The following AP1AR variants were observed in gnomAD, a reference collection of about 807,000 sequenced individuals.
The protein encoded by AP1AR is adaptor related protein complex 1 associated regulatory protein.
Under a neutral mutation model 46.3 loss-of-function variants are expected in AP1AR, and 29 were observed. That is an observed-to-expected ratio of 0.63 (90% CI 0.47 to 0.85). AP1AR has a LOEUF of 0.85. AP1AR is among the 40% of genes least tolerant of loss of function. The probability of loss-of-function intolerance (pLI) is 0.00; values close to 1 mark genes in which losing one functional copy is unlikely to be tolerated. For synonymous variants in AP1AR, 122 were observed against 122.9 expected (o/e 0.99, Z 0.05); for missense variants, 357 against 356.3 (o/e 1.00, Z -0.02).
rs1343122206 is a variant in AP1AR, at chr4:112,271,712, A to AAAG, written c.*3304_*3306dup. On this transcript the variant is annotated 3_prime_UTR_variant, in exon 10 of 10. Transcript: ENST00000274000. ...GGGAAAATGAAAGAGTTCTATTTGA[A>AAAG]AAGTTAACTTTGAGGTGTTCATAAG... Among the ~76,000 whole-genome samples the AAAG allele has an allele frequency of 2.0e-5, 3 of 152,192 alleles. No homozygotes were observed. Among genetic ancestry groups the AAAG allele is most frequent in the African/African-American group, 7.2e-5 (3 of 41,442 alleles).
At chr4:112,245,911 T>C (rs1177498597) in intron 1 of AP1AR, among the ~76,000 whole-genome samples, 1 of 152,170 alleles carries the variant, frequency 6.6e-6, no homozygotes, top group Non-Finnish European at 1.5e-5. Context: ...GCTTTTGTAA[T>C]AGATATTGCT....
chr4:112,250,286 G>A (rs1323594767), intron 1 of AP1AR, among the ~76,000 whole-genome samples: 1 of 152,092 alleles, frequency 6.6e-6, no homozygotes, highest in Non-Finnish European at 1.5e-5. Context: ...AATTTGCTAG[G>A]CTTTTAAGCA....
intron 2 of AP1AR, 110 bp downstream of exon 2, chr4:112,253,366 T>C: frequency 1.3e-6 from 1 of 750,334 alleles, no homozygotes; most frequent in Non-Finnish European, 2.3e-6. Context: ...GGACTGTTTA[T>C]ATTTCAATAT....
chr4:112,251,477 G>A (rs1027366702), intron 1 of AP1AR, among the ~76,000 whole-genome samples: 1 of 152,188 alleles, frequency 6.6e-6, no homozygotes, highest in African/African-American at 2.4e-5. Flanking sequence ...CTTTGCCACA[G>A]CAGTGAAGTC....
chr4:112,235,212 T>C (rs577751961), intron 1 of AP1AR, among the ~76,000 whole-genome samples: 1 of 152,362 alleles, frequency 6.6e-6, no homozygotes, highest in South Asian at 2.1e-4. Flanking sequence ...CTCCATCTGC[T>C]GGTCAGTTCT....
In AP1AR at chr4:112,262,026, C is replaced by T. The variant is rs373267981; in HGVS notation, c.283-962C>T. On this transcript the variant is annotated intron_variant, in intron 5 of 9. Coordinates refer to ENST00000274000, the MANE Select transcript of AP1AR (RefSeq NM_018569.6). ...CATACATACATATACATATATTTGT[C>T]TGTTTAATGTGGGTATGGTGGCTAA... is the stretch of plus-strand genomic sequence containing the variant. Among the ~76,000 whole-genome samples, 10 of 151,610 alleles carry T rather than the reference C, an allele frequency of 6.6e-5. No homozygotes were observed. In the South Asian group the frequency reaches 1.0e-3, roughly 16 times the overall value.
At position 112,268,665 on chromosome 4, in the gene AP1AR, C is replaced by G. The variant is rs1726816326; in HGVS notation, c.*256C>G. 3 of 313,866 alleles carry G rather than the reference C, an allele frequency of 9.6e-6. No homozygotes were observed. The East Asian group carries it at 1.5e-4, about 16-fold the overall frequency. The allele number at this position is 313,866 out of a possible 1,614,324, so 19.4% of individuals were successfully genotyped here. ...ATGTTACTGATTAAATTTACTTTGTCTTGTCTTTATAGCATTTCTGTTTAC... is the reference window on the plus strand; with the variant it reads ...ATGTTACTGATTAAATTTACTTTGTGTTGTCTTTATAGCATTTCTGTTTAC... On this transcript the variant is annotated 3_prime_UTR_variant, in exon 10 of 10. Transcript: ENST00000274000.
Position 112,232,138 on chromosome 4 carries a change from A to G in AP1AR, c.47A>G (p.Glu16Gly). The G allele has an allele frequency of 7.8e-7, 1 of 1,277,876 alleles. No individual in the cohort carries two copies. The highest frequency in any genetic ancestry group is 2.9e-5 in the South Asian group (1 of 34,720). The allele number at this position is 1,277,876 out of a possible 1,614,324, so 79.2% of individuals were successfully genotyped here. A position where few individuals can be genotyped will look rare whatever the true frequency, so the allele number is the denominator to read the frequency against. The change falls in exon 1 of 10, where the codon GAA (glutamate) becomes GGA (glycine). Residue 16 changes from glutamate (E) to glycine (G), a missense_variant. Transcript: ENST00000274000. ...CAGTGCTTCGGACTGCTTCGCAAGG[A>G]AGCGGGGCGGCTGCAGCGAGTAGGC... Reference protein sequence around the residue: ...WTQCFGLLRKEAGRLQRVGGG... With the variant: ...WTQCFGLLRKGAGRLQRVGGG...
At chr4:112,264,964 A>C in intron 6 of AP1AR, 45 bp from the exon 7 acceptor site, 1 of 1,491,142 alleles carries the variant, frequency 6.7e-7, no homozygotes. Context: ...AAAATATATA[A>C]TTTTACAACA....
intron 2 of AP1AR, 108 bp downstream of exon 2, chr4:112,253,364 T>C: frequency 2.7e-6 from 2 of 752,790 alleles, no homozygotes; most frequent in Non-Finnish European, 2.3e-6. Context: ...ATGGACTGTT[T>C]ATATTTCAAT....
In AP1AR at chr4:112,268,429, G is replaced by C. The variant is rs1432122600; in HGVS notation, c.*20G>C. 1 of 1,557,572 alleles carries C rather than the reference G, an allele frequency of 6.4e-7. No individual in the cohort carries two copies. The highest frequency in any genetic ancestry group is 2.3e-5 in the East Asian group (1 of 44,296). On this transcript the variant is annotated 3_prime_UTR_variant, in exon 10 of 10. Coordinates refer to ENST00000274000, the MANE Select transcript of AP1AR (RefSeq NM_018569.6). ...CGATAGGGTAAAATTGTGTGACCTT[G>C]TTTATCAGTTATGACCAAATGTTAA...
At chr4:112,262,182 C>T (rs185174926) in intron 5 of AP1AR, among the ~76,000 whole-genome samples, 3 of 152,048 alleles carry the variant, frequency 2.0e-5, no homozygotes, top group Admixed American at 1.3e-4. Flanking sequence ...GGGGTGGTGG[C>T]GCACGCCTGT....
chr4:112,232,677 T>C (rs1418233254), intron 1 of AP1AR, among the ~76,000 whole-genome samples: 1 of 152,210 alleles, frequency 6.6e-6, no homozygotes, highest in East Asian at 1.9e-4. Context: ...TTCCAGATAC[T>C]GATGAACTCT....
At chr4:112,267,763 T>C (rs1318888807) in intron 9 of AP1AR, among the ~76,000 whole-genome samples, 4 of 151,984 alleles carry the variant, frequency 2.6e-5, no homozygotes, top group Non-Finnish European at 4.4e-5. Context: ...AGAGTGATTG[T>C]CATTCTCTGG....
chr4:112,245,834 C>G (rs891753198), intron 1 of AP1AR, among the ~76,000 whole-genome samples: 2 of 152,004 alleles, frequency 1.3e-5, no homozygotes, highest in African/African-American at 4.8e-5. Flanking sequence ...AAATATTGAC[C>G]TTTTTTTCAA....
At chr4:112,265,839 T>C (rs1208121396) in intron 8 of AP1AR, 32 bp downstream of exon 8, 12 of 1,375,102 alleles carry the variant, frequency 8.7e-6, no homozygotes, top group Admixed American at 1.8e-5. Flanking sequence ...CTGTACTTTT[T>C]ATGCCACAGT....
chr4:112,247,691 C>G (rs1426231961), intron 1 of AP1AR, among the ~76,000 whole-genome samples: 1 of 152,214 alleles, frequency 6.6e-6, no homozygotes, highest in Non-Finnish European at 1.5e-5. Flanking sequence ...ATCATTTCTT[C>G]GCTCTACTAT....
In AP1AR at chr4:112,270,718, A is replaced by G. The variant is rs1578426998; in HGVS notation, c.*2309A>G. Among the ~76,000 whole-genome samples the G allele has an allele frequency of 6.6e-6, 1 of 152,210 alleles. No homozygotes were observed. The highest frequency in any genetic ancestry group is 1.9e-4 in the East Asian group (1 of 5,204). On this transcript the variant is annotated 3_prime_UTR_variant, in exon 10 of 10. Transcript: ENST00000274000. Reference sequence around the variant, plus strand: ...ATAAAAAGACCACTGGGAATGAAGCATCATGAGTGAGGGGGAAGAGTGGTA... The same window carrying G: ...ATAAAAAGACCACTGGGAATGAAGCGTCATGAGTGAGGGGGAAGAGTGGTA...
In AP1AR at chr4:112,268,302, G is replaced by A. The variant is rs367798505; in HGVS notation, c.802G>A (p.Glu268Lys). The A allele has an allele frequency of 5.6e-6, 9 of 1,612,998 alleles. No homozygotes were observed. Among genetic ancestry groups the A allele is most frequent in the Non-Finnish European group, 6.8e-6 (8 of 1,179,328 alleles). Residue 268 changes from glutamate (E) to lysine (K), a missense_variant, in exon 10 of 10, where the codon GAA (glutamate) becomes AAA (lysine). Coordinates refer to ENST00000274000, the MANE Select transcript of AP1AR (RefSeq NM_018569.6). ...LEWENDFVSAEMDDNGNSEYS... is the reference protein window; with the variant it reads ...LEWENDFVSAKMDDNGNSEYS... Reference sequence around the variant, plus strand: ...GTGGGAAAATGATTTTGTTAGTGCCGAAATGGATGATAATGGAAATTCCGA... The same window carrying A: ...GTGGGAAAATGATTTTGTTAGTGCCAAAATGGATGATAATGGAAATTCCGA...
Sources: allele counts gnomAD v4.1 joint callset (sites outside exome capture counted in the v4.1 genomes callset), GRCh38; gene constraint gnomAD v4.1.1; transcripts MANE v1.5; gene names NCBI Gene and HGNC (gene_info 2026-07-23, HGNC 2026-07-21).